The following ATF3 variants were observed in gnomAD, a reference collection of about 807,000 sequenced individuals.
ATF3 encodes the protein cyclic AMP-dependent transcription factor ATF-3.
A neutral mutation model predicts 18.4 loss-of-function variants in ATF3; 10 were observed. That is an observed-to-expected ratio of 0.54 (90% CI 0.34 to 0.92). The LOEUF (loss-of-function observed/expected upper bound fraction) is 0.92, where lower values mean the gene tolerates loss of function less well. ATF3 is among the 40% of genes least tolerant of loss of function. ATF3 has a pLI of 0.02. For synonymous variants in ATF3, 78 were observed against 87.9 expected (o/e 0.89, Z 0.63); for missense variants, 183 against 222.3 (o/e 0.82, Z 1.12).
intron 1 of ATF3, among the ~76,000 whole-genome samples, chr1:212,600,655 C>T (rs1298540321): frequency 6.6e-6 from 1 of 152,234 alleles, no homozygotes; most frequent in Non-Finnish European, 1.5e-5. Flanking sequence ...GCTCGACAGT[C>T]ACCTCAGCCA....
At chr1:212,598,367 G>A (rs1028246062) in intron 1 of ATF3, among the ~76,000 whole-genome samples, 1 of 151,370 alleles carries the variant, frequency 6.6e-6, no homozygotes, top group African/African-American at 2.4e-5. Flanking sequence ...TATGTTTATG[G>A]GGTACATGAG....
intron 1 of ATF3, among the ~76,000 whole-genome samples, chr1:212,597,552 A>G (rs751979270): frequency 6.6e-6 from 1 of 152,054 alleles, no homozygotes; most frequent in Non-Finnish European, 1.5e-5. Context: ...GGTGGGTCGT[A>G]TTAGCTTTAT....
chr1:212,570,254 T>A (rs1389457525), intron 1 of ATF3, among the ~76,000 whole-genome samples: 1 of 152,134 alleles, frequency 6.6e-6, no homozygotes, highest in Admixed American at 6.5e-5. Context: ...ATCTGTCAAT[T>A]TTTTTTTCTG....
chr1:212,566,381 A>T (rs1206156658), intron 1 of ATF3, among the ~76,000 whole-genome samples: 1 of 152,074 alleles, frequency 6.6e-6, no homozygotes, highest in Middle Eastern at 3.2e-3. Flanking sequence ...GGACAAGGAC[A>T]CCCCTTCTCT....
chr1:212,567,898 A>C (rs957156696), intron 1 of ATF3, among the ~76,000 whole-genome samples: 78 of 152,366 alleles, frequency 5.1e-4, no homozygotes, highest in African/African-American at 1.8e-3. Flanking sequence ...ACTGGGCTCC[A>C]GTCCTGTTCC....
chr1:212,618,833 C>A lies in ATF3; in HGVS notation c.349-525C>A. 1 of 634,622 alleles carries A rather than the reference C, an allele frequency of 1.6e-6. No individual in the cohort carries two copies. The allele number at this position is 634,622 out of a possible 1,614,324, so 39.3% of individuals were successfully genotyped here. Reference sequence around the variant, plus strand: ...TGGTGCTCAGCAGTCTTTCCAGTGGCTGTGTCCCTCCTCCAAATGTGGACA... The same window carrying A: ...TGGTGCTCAGCAGTCTTTCCAGTGGATGTGTCCCTCCTCCAAATGTGGACA... On this transcript the variant is annotated intron_variant, in intron 3 of 3. Coordinates refer to ENST00000341491, the MANE Select transcript of ATF3 (RefSeq NM_001674.4). This position sits in a 1 kb window ranked among gnomAD's most constrained non-coding sequence, Gnocchi z 4.4.
intron 1 of ATF3, among the ~76,000 whole-genome samples, chr1:212,588,941 A>G (rs1664830552): frequency 6.6e-6 from 1 of 152,254 alleles, no homozygotes; most frequent in Admixed American, 6.5e-5. Context: ...TATAAGTAAT[A>G]CATGTATATA....
rs149752914 is a variant in ATF3 at position 212,575,691 on chromosome 1, A to G, written c.-5+10208A>G. 5.4e-3 allele frequency among the ~76,000 whole-genome samples: 825 copies of G among 152,284 alleles called. 7 individuals carry two copies. Among genetic ancestry groups the G allele is most frequent in the African/African-American group, 0.019 (774 of 41,574 alleles). Reference sequence around the variant, plus strand: ...TGTCAGGTAAGGAAAGTTGCCTTCTATACCTAGTTTGCTAAGATTTTTAAA... The same window carrying G: ...TGTCAGGTAAGGAAAGTTGCCTTCTGTACCTAGTTTGCTAAGATTTTTAAA... On this transcript the variant is annotated intron_variant, in intron 1 of 3. Transcript: ENST00000366981.
intron 2 of ATF3, among the ~76,000 whole-genome samples, chr1:212,615,716 A>G (rs1357035759): frequency 6.6e-6 from 1 of 150,964 alleles, no homozygotes; most frequent in Non-Finnish European, 1.5e-5. Context: ...AGGTGGGAGG[A>G]CCGCTTGAGC....
chr1:212,593,931 G>A (rs544283311), intron 1 of ATF3, among the ~76,000 whole-genome samples: 1 of 152,254 alleles, frequency 6.6e-6, no homozygotes, highest in South Asian at 2.1e-4. Flanking sequence ...AGCCACTCCT[G>A]GAATTCTTGA....
upstream of ATF3, among the ~76,000 whole-genome samples, chr1:212,608,286 C>T (rs1318133687): frequency 1.3e-5 from 2 of 152,190 alleles, no homozygotes; most frequent in Admixed American, 1.3e-4. Flanking sequence ...GCTTCCCAGC[C>T]TCACCTAGTC....
At chr1:212,575,645 A>T (rs1457115541) in intron 1 of ATF3, among the ~76,000 whole-genome samples, 1 of 152,140 alleles carries the variant, frequency 6.6e-6, no homozygotes. Context: ...ATTTGCTTGT[A>T]GAGTTTTGAT....
Position 212,618,561 on chromosome 1 carries a change from TC to T in ATF3, c.348+329del. 1 of 418,344 alleles carries T rather than the reference TC, an allele frequency of 2.4e-6. No homozygotes were observed. The highest frequency in any genetic ancestry group is 4.4e-6 in the Non-Finnish European group (1 of 227,528). The allele number at this position is 418,344 out of a possible 1,614,324, so 25.9% of individuals were successfully genotyped here. A position where few individuals can be genotyped will look rare whatever the true frequency, so the allele number is the denominator to read the frequency against. On this transcript the variant is annotated intron_variant, in intron 3 of 3. Transcript: ENST00000341491. The surrounding 1 kb of genome is among the most constrained non-coding windows in gnomAD (Gnocchi z 4.4). ...TTAAAGAGGCTTCACTTGACTGTTT[TC>T]CTGAGAAAAGGAAGCTGCCAGCTCT...
intron 1 of ATF3, among the ~76,000 whole-genome samples, chr1:212,602,662 T>A (rs1319861758): frequency 6.6e-6 from 1 of 152,216 alleles, no homozygotes; most frequent in Non-Finnish European, 1.5e-5. Flanking sequence ...AAAATGGAGA[T>A]GTTTACGGTC....
At chr1:212,612,908 G>C (rs6670133) in intron 1 of ATF3, among the ~76,000 whole-genome samples, 20,704 of 152,188 alleles carry the variant, frequency 0.14, 1,649 homozygotes, top group East Asian at 0.22. Context: ...GGGAGGCCTA[G>C]TAATCATGGA....
chr1:212,582,814 T>C (rs931272906), intron 1 of ATF3, among the ~76,000 whole-genome samples: 50 of 152,276 alleles, frequency 3.3e-4, no homozygotes, highest in Non-Finnish European at 4.4e-4. Context: ...GAGCTCTTGA[T>C]AGAAATACAT....
At chr1:212,605,155 A>G (rs1654584542), upstream of ATF3, among the ~76,000 whole-genome samples, 1 of 152,352 alleles carries the variant, frequency 6.6e-6, no homozygotes, top group African/African-American at 2.4e-5. Context: ...GAAATGTCAC[A>G]ACAATCTTAT....
At chr1:212,613,184 G>A (rs942866517) in intron 1 of ATF3, among the ~76,000 whole-genome samples, 33 of 152,098 alleles carry the variant, frequency 2.2e-4, no homozygotes, top group African/African-American at 6.5e-4. Context: ...GGTATGCACC[G>A]TGACATAAAG....
intron 1 of ATF3, among the ~76,000 whole-genome samples, chr1:212,569,939 T>A (rs1195149814): frequency 6.6e-6 from 1 of 152,202 alleles, no homozygotes; most frequent in East Asian, 1.9e-4. Flanking sequence ...TAGTCTTTGA[T>A]ATATGTTGCT....
Sources: allele counts gnomAD v4.1 joint callset (sites outside exome capture counted in the v4.1 genomes callset), GRCh38; gene constraint gnomAD v4.1.1; non-coding constraint Gnocchi (gnomAD v3.1); transcripts MANE v1.5; gene names NCBI Gene and HGNC (gene_info 2026-07-23, HGNC 2026-07-21).